Variants in ARB2A observed in about 807,000 individuals in gnomAD.
The protein encoded by ARB2A is ARB2 cotranscriptional regulator A, also known as cotranscriptional regulator ARB2A.
the ARB2A span, among the ~76,000 whole-genome samples, chr5:93,806,481 TC>T: frequency 6.6e-6 from 1 of 152,000 alleles, no homozygotes; most frequent in African/African-American, 2.4e-5. Flanking sequence ...GAATAGTAAC[TC>T]TATTTATAAA....
chr5:93,976,190 C>T, the ARB2A span, among the ~76,000 whole-genome samples: 1 of 152,022 alleles, frequency 6.6e-6, no homozygotes, highest in Non-Finnish European at 1.5e-5. Context: ...TCAACAGACA[C>T]AGAAAAATGC....
chr5:93,781,978 G>C, the ARB2A span: 1 of 960,930 alleles, frequency 1.0e-6, no homozygotes, highest in Admixed American at 6.2e-5. Flanking sequence ...AAAGGAGAAA[G>C]AAAAGGGGAG....
chr5:93,712,511 G>A, the ARB2A span, among the ~76,000 whole-genome samples: 2 of 151,942 alleles, frequency 1.3e-5, no homozygotes, highest in South Asian at 2.1e-4. Context: ...AGATGTACAC[G>A]GTTTTAGTCA....
the ARB2A span, among the ~76,000 whole-genome samples, chr5:93,732,176 G>C: frequency 6.6e-6 from 1 of 152,128 alleles, no homozygotes; most frequent in Non-Finnish European, 1.5e-5. Context: ...CTAATGACTT[G>C]TTTTAAGGAT....
the ARB2A span, among the ~76,000 whole-genome samples, chr5:93,625,968 C>A: frequency 1.3e-5 from 2 of 152,198 alleles, no homozygotes; most frequent in Non-Finnish European, 2.9e-5. Flanking sequence ...TATACATCAA[C>A]CCTGCCCACA....
chr5:94,038,809 TA>T, the ARB2A span, among the ~76,000 whole-genome samples: 935 of 134,970 alleles, frequency 6.9e-3, 4 homozygotes, highest in African/African-American at 0.011. Flanking sequence ...AGGAAAATAC[TA>T]AAAAAAAAAA....
the ARB2A span, among the ~76,000 whole-genome samples, chr5:93,812,461 A>G: frequency 1.3e-5 from 2 of 152,132 alleles, no homozygotes; most frequent in Non-Finnish European, 2.9e-5. Context: ...CAACATTTAT[A>G]CTTATAAAGA....
the ARB2A span, among the ~76,000 whole-genome samples, chr5:94,031,823 C>T: frequency 7.2e-5 from 11 of 152,170 alleles, no homozygotes; most frequent in African/African-American, 2.7e-4. Flanking sequence ...CTCAATCAGC[C>T]CATGTGTGGC....
At chr5:93,869,146 A>C in the ARB2A span, among the ~76,000 whole-genome samples, 10 of 152,188 alleles carry the variant, frequency 6.6e-5, no homozygotes, top group Admixed American at 6.5e-4. Context: ...CATCAGAGTA[A>C]TACACGAGAC....
the ARB2A span, among the ~76,000 whole-genome samples, chr5:93,718,475 GT>G: frequency 6.6e-6 from 1 of 152,020 alleles, no homozygotes; most frequent in Non-Finnish European, 1.5e-5. Flanking sequence ...GTGATAGGAA[GT>G]TTTTTGTATC....
the ARB2A span, among the ~76,000 whole-genome samples, chr5:93,935,282 AAC>A: frequency 1.3e-5 from 2 of 152,194 alleles, no homozygotes; most frequent in African/African-American, 4.8e-5. Flanking sequence ...ACTACAGGAA[AAC>A]ACAGAGGGGA....
chr5:93,936,761 T>C, the ARB2A span, among the ~76,000 whole-genome samples: 1 of 152,142 alleles, frequency 6.6e-6, no homozygotes, highest in African/African-American at 2.4e-5. Flanking sequence ...TTTCAGAAGC[T>C]GCAAAAGAGA....
At chr5:93,620,923 C>A in the ARB2A span, 8 of 1,563,866 alleles carry the variant, frequency 5.1e-6, no homozygotes, top group Non-Finnish European at 6.9e-6. Flanking sequence ...CCGCTCGACA[C>A]AAGCAGTGAG....
the ARB2A span, among the ~76,000 whole-genome samples, chr5:93,869,306 A>G: frequency 5.9e-5 from 9 of 152,324 alleles, no homozygotes; most frequent in East Asian, 1.5e-3. Flanking sequence ...GCTAATATGC[A>G]TAACCAAATT....
the ARB2A span, among the ~76,000 whole-genome samples, chr5:93,707,330 T>G: frequency 6.6e-6 from 1 of 152,176 alleles, no homozygotes; most frequent in Non-Finnish European, 1.5e-5. Context: ...CAAGATCTAC[T>G]TGGTAAGATT....
At chr5:93,656,691 C>T in the ARB2A span, among the ~76,000 whole-genome samples, 2 of 152,190 alleles carry the variant, frequency 1.3e-5, no homozygotes, top group Non-Finnish European at 2.9e-5. Flanking sequence ...CAACACTCCA[C>T]ACATCTTTCT....
chr5:93,945,957 A>G, the ARB2A span, among the ~76,000 whole-genome samples: 2 of 152,174 alleles, frequency 1.3e-5, no homozygotes, highest in Admixed American at 6.5e-5. Flanking sequence ...TTTCAAATTA[A>G]AACACTGGAA....
chr5:93,766,681 A>C, the ARB2A span, among the ~76,000 whole-genome samples: 1 of 152,198 alleles, frequency 6.6e-6, no homozygotes, highest in South Asian at 2.1e-4. Context: ...CAGCCATCTC[A>C]TTACTGGGGA....
chr5:93,727,600 A>G, the ARB2A span, among the ~76,000 whole-genome samples: 5 of 152,090 alleles, frequency 3.3e-5, no homozygotes, highest in African/African-American at 4.8e-5. Flanking sequence ...TTCTCTGTAG[A>G]TGGTAAGGGT....
Sources: gnomAD v4.1 joint callset for allele counts (sites outside exome capture counted in the v4.1 genomes callset) on GRCh38, gnomAD v4.1.1 for gene constraint, MANE v1.5 for transcripts, NCBI Gene and HGNC (gene_info 2026-07-23, HGNC 2026-07-21) for gene names.